The following SLC17A7 variants were observed in gnomAD, a reference collection of about 807,000 sequenced individuals.
SLC17A7 encodes vesicular glutamate transporter 1.
Under a neutral mutation model 59.1 loss-of-function variants are expected in SLC17A7, and 15 were observed. That is an observed-to-expected ratio of 0.25 (90% CI 0.17 to 0.39). The LOEUF is 0.39. Ranked by LOEUF, SLC17A7 falls within the 10% of genes least tolerant of loss-of-function variation. The pLI is 1.00. For missense variants in SLC17A7, 499 were observed against 765.1 expected, an observed-to-expected ratio of 0.65 and a Z score of 4.10; for synonymous variants, 353 against 308.9, an observed-to-expected ratio of 1.14 and a Z score of -1.50.
rs1158424522 is a variant in SLC17A7 at position 49,436,611 on chromosome 19, C to A, written c.253G>T (p.Val85Leu). The A allele has an allele frequency of 1.9e-6, 3 of 1,613,904 alleles. No homozygotes were observed. The highest frequency in any genetic ancestry group is 1.3e-5 in the African/African-American group (1 of 74,898). The change falls in exon 2 of 12, where the codon GTG becomes TTG. Residue 85 changes from valine to leucine, a missense_variant. This residue lies in a region of SLC17A7 where 323 missense variants were observed against 607.2 expected (regional missense o/e 0.53). Transcript: ENST00000221485. This position sits in a 1 kb window ranked among gnomAD's most constrained non-coding sequence, Gnocchi z 4.1. Reference sequence around the variant, plus strand: ...TTATTGACCATGGAGACGATGGCCACGCCCAGGTTGCAGCGGATGCCAAAG... The same window carrying A: ...TTATTGACCATGGAGACGATGGCCAAGCCCAGGTTGCAGCGGATGCCAAAG... ...ISFGIRCNLG[V>L]AIVSMVNNST...
intron 3 of SLC17A7, 106 bp downstream of exon 3, chr19:49,435,062 A>G: frequency 1.9e-6 from 2 of 1,042,274 alleles, no homozygotes; most frequent in Non-Finnish European, 2.9e-6. Flanking sequence ...CCCCAAATCC[A>G]GGCTTCTCCC....
intron 11 of SLC17A7, 36 bp from the exon 12 acceptor site, chr19:49,430,848 G>A (rs2078956539): frequency 1.9e-6 from 3 of 1,578,044 alleles, no homozygotes; most frequent in South Asian, 2.3e-5. Flanking sequence ...CAAATGGGAG[G>A]ACAGAGAAAC....
chr19:49,440,106 C>A (rs1168578138), intron 1 of SLC17A7, among the ~76,000 whole-genome samples: 1 of 152,214 alleles, frequency 6.6e-6, no homozygotes, highest in Non-Finnish European at 1.5e-5. Flanking sequence ...GCCCACCTCC[C>A]CCCACTTCTG....
rs773709438 is a variant in SLC17A7, at chr19:49,432,967, G to A, written c.868-7C>T. 9 of 1,605,068 alleles carry A rather than the reference G, an allele frequency of 5.6e-6. No individual in the cohort carries two copies. Among genetic ancestry groups the A allele is most frequent in the Non-Finnish European group, 7.7e-6 (9 of 1,176,060 alleles). ...GCCAGGGAGTGCTAAACTTCTGTGG[G>A]GGCGAGGGGAGGGCCGCTAAGACGG... On this transcript the variant is annotated splice_polypyrimidine_tract_variant and splice_region_variant and intron_variant, in intron 7 of 11. Coordinates refer to ENST00000221485, the MANE Select transcript of SLC17A7 (RefSeq NM_020309.4).
chr19:49,431,464 G>T lies in SLC17A7; in HGVS notation c.1151-16C>A, dbSNP rs370123873. 1.2e-6 allele frequency: 2 copies of T among 1,607,770 alleles called. No individual in the cohort carries two copies. The highest frequency in any genetic ancestry group is 1.3e-5 in the African/African-American group (1 of 74,914). On this transcript the variant is annotated splice_polypyrimidine_tract_variant and intron_variant, in intron 9 of 11. Transcript: ENST00000221485. The surrounding 1 kb of genome is among the most constrained non-coding windows in gnomAD (Gnocchi z 4.6). The stretch of plus-strand genomic sequence containing the variant: ...ATGCCGAAGCCTACGGGGGCGGGGG[G>T]GGCCCGCGTCTCCTGAGTGTCGGCC...
chr19:49,431,282 G>A lies in SLC17A7; in HGVS notation c.1261+56C>T. 1.3e-6 allele frequency: 2 copies of A among 1,594,140 alleles called. No individual in the cohort carries two copies. The highest frequency in any genetic ancestry group is 2.2e-5 in the East Asian group (1 of 44,552). On this transcript the variant is annotated intron_variant, in intron 10 of 11. Coordinates refer to ENST00000221485, the MANE Select transcript of SLC17A7 (RefSeq NM_020309.4). This position sits in a 1 kb window ranked among gnomAD's most constrained non-coding sequence, Gnocchi z 4.6. Reference sequence around the variant, plus strand: ...CTGAGAGGCCCCGTTCCTGAGCCAGGAAGTTCCCTACAGAGCTGACCAGAG... The same window carrying A: ...CTGAGAGGCCCCGTTCCTGAGCCAGAAAGTTCCCTACAGAGCTGACCAGAG...
rs766552012 is a variant in SLC17A7 at position 49,433,602 on chromosome 19, C to A, written c.867+124G>T. The A allele has an allele frequency of 2.8e-6, 4 of 1,403,872 alleles. No individual in the cohort carries two copies. The African/African-American group carries it at 4.3e-5, about 15-fold the overall frequency. The allele number at this position is 1,403,872 out of a possible 1,614,324, so 87.0% of individuals were successfully genotyped here. On this transcript the variant is annotated intron_variant, in intron 7 of 11. Transcript: ENST00000221485. The surrounding 1 kb of genome is among the most constrained non-coding windows in gnomAD (Gnocchi z 5.7). Reference sequence around the variant, plus strand: ...GCAACCCGCCTCCTAGGTTCTAGCCCCTCTCTTTGCGTTCCAGTCCCGTCT... The same window carrying A: ...GCAACCCGCCTCCTAGGTTCTAGCCACTCTCTTTGCGTTCCAGTCCCGTCT...
Position 49,431,014 on chromosome 19 carries a change from C to T in SLC17A7, c.1389+1G>A. The T allele has an allele frequency of 6.2e-7, 1 of 1,606,740 alleles. No individual in the cohort carries two copies. Among genetic ancestry groups the T allele is most frequent in the Non-Finnish European group, 8.5e-7 (1 of 1,175,788 alleles). On this transcript the variant is annotated splice_donor_variant, in intron 11 of 11. Coordinates refer to ENST00000221485, the MANE Select transcript of SLC17A7 (RefSeq NM_020309.4). LOFTEE classifies it high-confidence loss of function. The surrounding 1 kb of genome is among the most constrained non-coding windows in gnomAD (Gnocchi z 4.6). ...GACTGAGTCAGGACTGCGGCACCCA[C>T]CTTGTGCTTAGTCATGGCCCCCACG... is the stretch of plus-strand genomic sequence containing the variant.
chr19:49,440,941 C>A (rs1412321447), intron 1 of SLC17A7, among the ~76,000 whole-genome samples: 2 of 150,692 alleles, frequency 1.3e-5, no homozygotes, highest in Non-Finnish European at 3.0e-5. Context: ...GAAGGAGGGG[C>A]CCAGAGAGAA....
At chr19:49,439,400 G>A (rs903430846) in intron 1 of SLC17A7, among the ~76,000 whole-genome samples, 8 of 152,126 alleles carry the variant, frequency 5.3e-5, no homozygotes, top group African/African-American at 1.9e-4. Context: ...CAGAAAGGAG[G>A]CACCTTGGGT....
chr19:49,441,421 G>A lies in SLC17A7; in HGVS notation c.-42C>T. ...GCCGGTCACCCCGCGGGTCCCCCCC[G>A]CCGATCCCCCCGCCCGCGGGCCCGG... On this transcript the variant is annotated 5_prime_UTR_variant, in exon 1 of 12. Coordinates refer to ENST00000221485, the MANE Select transcript of SLC17A7 (RefSeq NM_020309.4). 2.1e-6 allele frequency: 3 copies of A among 1,429,772 alleles called. No homozygotes were observed. The highest frequency in any genetic ancestry group is 3.2e-5 in the East Asian group (1 of 31,502). 88.6% of individuals were successfully genotyped at this position (1,429,772 alleles called of 1,614,324 possible).
intron 9 of SLC17A7, 48 bp downstream of exon 9, chr19:49,432,471 G>C: frequency 6.3e-7 from 1 of 1,588,140 alleles, no homozygotes; most frequent in Non-Finnish European, 8.6e-7. Flanking sequence ...ATCCGGCTCT[G>C]CTCCACCCAG....
chr19:49,441,369 C>T lies in SLC17A7; in HGVS notation c.11G>A (p.Arg4His). The T allele has an allele frequency of 1.3e-6, 2 of 1,599,166 alleles. No individual in the cohort carries two copies. The highest frequency in any genetic ancestry group is 2.3e-5 in the East Asian group (1 of 43,792). ...CGCTAGCTTCCGAAACTCCTCCTGG[C>T]GGAACTCCATGGTGGCGGCTCCTGC... MEF[R>H]QEEFRKLAGR... The change falls in exon 1 of 12, where the codon CGC becomes CAC. Residue 4 changes from arginine to histidine, a missense_variant. By Grantham distance (29) the Arg-to-His change is conservative. Coordinates refer to ENST00000221485, the MANE Select transcript of SLC17A7 (RefSeq NM_020309.4).
At position 49,433,441 on chromosome 19, in the gene SLC17A7, C is replaced by A; in HGVS notation, c.867+285G>T. On this transcript the variant is annotated intron_variant, in intron 7 of 11. Transcript: ENST00000221485. The surrounding 1 kb of genome is among the most constrained non-coding windows in gnomAD (Gnocchi z 5.7). The stretch of plus-strand genomic sequence containing the variant: ...ATGCTCCCAAAATACAGCCTCAACT[C>A]AAGGTCTAAGCAAAACCCCCACATT... The A allele has an allele frequency of 1.9e-6, 1 of 535,028 alleles. No homozygotes were observed. The highest frequency in any genetic ancestry group is 3.5e-5 in the East Asian group (1 of 28,320). 33.1% of individuals were successfully genotyped at this position (535,028 alleles called of 1,614,324 possible). A position where few individuals can be genotyped will look rare whatever the true frequency, so the allele number is the denominator to read the frequency against.
At chr19:49,438,018 C>T (rs1464271502) in intron 1 of SLC17A7, 1 of 146,414 alleles carries the variant, frequency 6.8e-6, no homozygotes. Context: ...GGACAGAGAC[C>T]CAGAGAGAAA....
rs565492523 is a variant in SLC17A7 at position 49,430,341 on chromosome 19, A to G, written c.*178T>C. 8.2e-5 allele frequency: 44 copies of G among 539,618 alleles called. No homozygotes were observed. In the South Asian group the frequency reaches 1.2e-3, roughly 14 times the overall value. 33.4% of individuals were successfully genotyped at this position (539,618 alleles called of 1,614,324 possible). A position where few individuals can be genotyped will look rare whatever the true frequency, so the allele number is the denominator to read the frequency against. The stretch of plus-strand genomic sequence containing the variant: ...CTTGAAACTGTCAGTCTGCAGCTTC[A>G]CTACCCCTGAGAGGCAATTGGGAAG... On this transcript the variant is annotated 3_prime_UTR_variant, in exon 12 of 12. Transcript: ENST00000221485.
intron 1 of SLC17A7, among the ~76,000 whole-genome samples, chr19:49,440,506 T>C (rs1351600169): frequency 2.6e-5 from 4 of 152,150 alleles, no homozygotes; most frequent in Non-Finnish European, 5.9e-5. Context: ...AGGGAGTCCC[T>C]GTCAGCCCCA....
At chr19:49,440,036 G>T (rs751583560) in intron 1 of SLC17A7, among the ~76,000 whole-genome samples, 9 of 152,132 alleles carry the variant, frequency 5.9e-5, no homozygotes, top group Non-Finnish European at 8.8e-5. Context: ...GGAAAAAGAA[G>T]GGGTGAGGTT....
Position 49,430,376 on chromosome 19 carries a change from T to G in SLC17A7, c.*143A>C. On this transcript the variant is annotated 3_prime_UTR_variant, in exon 12 of 12. Coordinates refer to ENST00000221485, the MANE Select transcript of SLC17A7 (RefSeq NM_020309.4). ...AGAGGCAATTGGGAAGGAAAGAGGA[T>G]TTGACAGCACTGGGAACAAGGGAGA... 1 of 588,790 alleles carries G rather than the reference T, an allele frequency of 1.7e-6. No individual in the cohort carries two copies. Among genetic ancestry groups the G allele is most frequent in the Non-Finnish European group, 2.9e-6 (1 of 344,500 alleles). 36.5% of individuals were successfully genotyped at this position (588,790 alleles called of 1,614,324 possible). A position where few individuals can be genotyped will look rare whatever the true frequency, so the allele number is the denominator to read the frequency against.
Sources: allele counts gnomAD v4.1 joint callset (sites outside exome capture counted in the v4.1 genomes callset), GRCh38; gene constraint gnomAD v4.1.1; regional missense constraint gnomAD v4.1.1; non-coding constraint Gnocchi (gnomAD v3.1); transcripts MANE v1.5; gene names NCBI Gene and HGNC (gene_info 2026-07-23, HGNC 2026-07-21).